Variants in CLVS1 observed in about 807,000 individuals in gnomAD.
The protein encoded by CLVS1 is clavesin 1, also known as clavesin-1.
Under a neutral mutation model 33.1 loss-of-function variants are expected in CLVS1, and 10 were observed. The ratio of observed to expected loss-of-function variants is 0.30; its 90% CI spans 0.19 to 0.51. CLVS1 has a LOEUF of 0.51. Ranked by LOEUF, CLVS1 falls within the 20% of genes least tolerant of loss-of-function variation. The probability of loss-of-function intolerance (pLI) is 0.97; values close to 1 mark genes in which losing one functional copy is unlikely to be tolerated. For missense variants in CLVS1, 343 were observed against 433.4 expected, an observed-to-expected ratio of 0.79 and a Z score of 1.85; for synonymous variants, 163 against 166.1, an observed-to-expected ratio of 0.98 and a Z score of 0.14.
the CLVS1 span, among the ~76,000 whole-genome samples, chr8:61,029,744 C>T: frequency 3.3e-5 from 5 of 152,048 alleles, no homozygotes; most frequent in African/African-American, 1.2e-4. Context: ...GCTATCCCTC[C>T]CCTAGGAGAA....
upstream of CLVS1, among the ~76,000 whole-genome samples, chr8:61,286,889 T>C (rs996241689): frequency 6.6e-6 from 1 of 152,234 alleles, no homozygotes; most frequent in African/African-American, 2.4e-5. Flanking sequence ...TTTCCTTCAC[T>C]TAACACTTTG....
the CLVS1 span, among the ~76,000 whole-genome samples, chr8:60,999,094 G>A: frequency 6.6e-6 from 1 of 152,178 alleles, no homozygotes; most frequent in African/African-American, 2.4e-5. Context: ...CAGGGTGGGA[G>A]AGGACTAGTG....
intron 2 of CLVS1, among the ~76,000 whole-genome samples, chr8:61,358,282 A>T (rs1228014210): frequency 6.6e-6 from 1 of 152,230 alleles, no homozygotes; most frequent in Non-Finnish European, 1.5e-5. Flanking sequence ...TTCCTATGTT[A>T]GTCATTTCCA....
intron 3 of CLVS1, among the ~76,000 whole-genome samples, chr8:61,439,542 A>C (rs1463248382): frequency 1.2e-4 from 19 of 152,210 alleles, no homozygotes; most frequent in Non-Finnish European, 5.9e-5. Flanking sequence ...GGGCAGCAAC[A>C]GGATTGCCAA....
At chr8:61,448,709 C>T (rs115691800) in intron 3 of CLVS1, among the ~76,000 whole-genome samples, 2,015 of 144,690 alleles carry the variant, frequency 0.014, 48 homozygotes, top group African/African-American at 0.05. Context: ...GACCCTCTCT[C>T]TCAAAAAAAA....
the CLVS1 span, among the ~76,000 whole-genome samples, chr8:60,999,373 G>A: frequency 6.6e-6 from 1 of 152,314 alleles, no homozygotes; most frequent in Admixed American, 6.5e-5. Context: ...AGTATTTGAT[G>A]AGGAAGTGAA....
At chr8:61,271,489 C>A (rs971506370) in intron 2 of CLVS1, among the ~76,000 whole-genome samples, 2 of 148,892 alleles carry the variant, frequency 1.3e-5, no homozygotes, top group African/African-American at 5.0e-5. Flanking sequence ...AATGTATATT[C>A]TGTTGATTTG....
chr8:61,352,222 T>C (rs893621554), intron 2 of CLVS1, among the ~76,000 whole-genome samples: 1 of 152,014 alleles, frequency 6.6e-6, no homozygotes, highest in Non-Finnish European at 1.5e-5. Context: ...CTCATATGTA[T>C]ACTGTAATGC....
chr8:61,483,825 T>C (rs1803762647), intron 5 of CLVS1, among the ~76,000 whole-genome samples: 1 of 152,194 alleles, frequency 6.6e-6, no homozygotes, highest in Non-Finnish European at 1.5e-5. Context: ...ATCCATCATA[T>C]AAACAGAACC....
At chr8:61,240,816 A>G (rs755169665) in intron 2 of CLVS1, among the ~76,000 whole-genome samples, 1 of 151,770 alleles carries the variant, frequency 6.6e-6, no homozygotes, top group African/African-American at 2.4e-5. Flanking sequence ...AGAAGTGGCA[A>G]TAGTGGGCTT....
intron 2 of CLVS1, among the ~76,000 whole-genome samples, chr8:61,163,683 G>A (rs552463466): frequency 3.9e-4 from 59 of 152,270 alleles, no homozygotes; most frequent in East Asian, 1.5e-3. Context: ...GTCAGAAGCC[G>A]TGGGTTGTGG....
intron 1 of CLVS1, among the ~76,000 whole-genome samples, chr8:61,119,280 TGGGTTTCC>T (rs1376251927): frequency 3.2e-4 from 49 of 152,168 alleles, no homozygotes; most frequent in African/African-American, 1.1e-3. Context: ...GCACGTGAGA[TGGGTTTCC>T]TGAATACAGC....
chr8:61,309,244 A>G (rs929124505), intron 2 of CLVS1, among the ~76,000 whole-genome samples: 7 of 152,186 alleles, frequency 4.6e-5, no homozygotes, highest in African/African-American at 1.7e-4. Flanking sequence ...TTTGAAAGTG[A>G]AAGGGGTGCT....
At chr8:61,297,108 C>T (rs936422075) in intron 1 of CLVS1, among the ~76,000 whole-genome samples, 3 of 152,022 alleles carry the variant, frequency 2.0e-5, no homozygotes, top group Admixed American at 6.6e-5. Flanking sequence ...AAGAAGCTGC[C>T]GATGGCTGCA....
At chr8:61,495,366 C>T (rs1274182201) in intron 5 of CLVS1, among the ~76,000 whole-genome samples, 1 of 152,062 alleles carries the variant, frequency 6.6e-6, no homozygotes, top group Non-Finnish European at 1.5e-5. Flanking sequence ...GCTCATAGTC[C>T]GTTGCATACA....
chr8:61,272,438 A>T (rs1422905218), intron 2 of CLVS1, among the ~76,000 whole-genome samples: 6 of 151,348 alleles, frequency 4.0e-5, no homozygotes, highest in African/African-American at 1.5e-4. Context: ...TTTTTCCTTC[A>T]TTTCAACTTT....
chr8:61,239,649 T>A (rs1382177411), intron 2 of CLVS1, among the ~76,000 whole-genome samples: 1 of 151,958 alleles, frequency 6.6e-6, no homozygotes, highest in Non-Finnish European at 1.5e-5. Flanking sequence ...GGTGGGAGGA[T>A]TGCCTGAGGC....
intron 1 of CLVS1, among the ~76,000 whole-genome samples, chr8:61,107,767 C>T (rs1343202947): frequency 6.6e-6 from 1 of 152,214 alleles, no homozygotes; most frequent in Non-Finnish European, 1.5e-5. Context: ...TAAAATGTCA[C>T]CTGAGCTGCT....
intron 2 of CLVS1, among the ~76,000 whole-genome samples, chr8:61,195,124 T>C (rs1045514380): frequency 6.6e-6 from 1 of 151,936 alleles, no homozygotes; most frequent in African/African-American, 2.4e-5. Flanking sequence ...TGAAATTTGA[T>C]GATGATGTTA....
Sources: gnomAD v4.1 joint callset for allele counts (sites outside exome capture counted in the v4.1 genomes callset) on GRCh38, gnomAD v4.1.1 for gene constraint, MANE v1.5 for transcripts, NCBI Gene and HGNC (gene_info 2026-07-23, HGNC 2026-07-21) for gene names.